Variants in MINAR1 observed in about 807,000 individuals in gnomAD.
The protein encoded by MINAR1 is major intrinsically disordered Notch2-binding receptor 1.
In MINAR1, 40 loss-of-function variants were observed where a neutral mutation model predicts 65.1. The observed-to-expected ratio is 0.61, with a 90% CI of 0.48 to 0.80. MINAR1 has a LOEUF of 0.80. Among genes scored for constraint, MINAR1 ranks in the 30% least tolerant of loss-of-function variants. The probability of loss-of-function intolerance (pLI) is 0.00; values close to 1 mark genes in which losing one functional copy is unlikely to be tolerated. For missense variants in MINAR1, 1,128 were observed against 1,148.0 expected, an observed-to-expected ratio of 0.98 and a Z score of 0.25; for synonymous variants, 482 against 449.1, an observed-to-expected ratio of 1.07 and a Z score of -0.93.
rs1458218738 is a variant in MINAR1, at chr15:79,468,715, T to A, written c.*331T>A. The A allele has an allele frequency of 3.3e-6, 1 of 305,852 alleles. No individual in the cohort carries two copies. Among genetic ancestry groups the A allele is most frequent in the African/African-American group, 2.1e-5 (1 of 46,628 alleles). 18.9% of individuals were successfully genotyped at this position (305,852 alleles called of 1,614,324 possible). On this transcript the variant is annotated 3_prime_UTR_variant, in exon 4 of 4. Coordinates refer to ENST00000305428, the MANE Select transcript of MINAR1 (RefSeq NM_015206.3). ...AATTGGGTTCTTTCCATTTTGATGA[T>A]GTTTCATGGTGGGGAATAAGTTATA...
At chr15:79,420,814 G>T in the MINAR1 span, 2 of 152,286 alleles carry the variant, frequency 1.3e-5, no homozygotes, top group Non-Finnish European at 2.9e-5. Flanking sequence ...AATGGTGGAT[G>T]TAATGAAGCC....
At chr15:79,418,176 T>G in the MINAR1 span, 1 of 152,220 alleles carries the variant, frequency 6.6e-6, no homozygotes, top group South Asian at 2.1e-4. Flanking sequence ...CCCACTCCTT[T>G]GATCACACAC....
intron 3 of MINAR1, among the ~76,000 whole-genome samples, chr15:79,466,289 G>A (rs1050149646): frequency 2.6e-5 from 4 of 152,082 alleles, no homozygotes; most frequent in African/African-American, 4.8e-5. Flanking sequence ...TTGTAGTGTC[G>A]CATAGCATGT....
chr15:79,467,806 G>GTGACTT (rs1210294794), intron 3 of MINAR1, among the ~76,000 whole-genome samples: 1 of 152,192 alleles, frequency 6.6e-6, no homozygotes, highest in Non-Finnish European at 1.5e-5. Flanking sequence ...GAGCCTGTTG[G>GTGACTT]AAGAAAGCAT....
rs1048353825 is a variant in MINAR1 at position 79,471,991 on chromosome 15, A to C, written c.*3607A>C. 3 of 152,586 alleles carry C rather than the reference A, an allele frequency of 2.0e-5. No individual in the cohort carries two copies. Among genetic ancestry groups the C allele is most frequent in the Non-Finnish European group, 4.4e-5 (3 of 68,042 alleles). 9.5% of individuals were successfully genotyped at this position (152,586 alleles called of 1,614,324 possible). ...ATTAAGTAACAATGAGAAATGCAAC[A>C]AACTTCCTTATTTATGCCTTATGAA... On this transcript the variant is annotated 3_prime_UTR_variant, in exon 4 of 4. Transcript: ENST00000305428.
At chr15:79,428,024 A>G (rs1465205032), upstream of MINAR1, among the ~76,000 whole-genome samples, 2 of 152,166 alleles carry the variant, frequency 1.3e-5, no homozygotes, top group Admixed American at 1.3e-4. Context: ...TTCTCTCAGG[A>G]TCCAAAAGGA....
chr15:79,461,698 T>C (rs1895645268), intron 2 of MINAR1, among the ~76,000 whole-genome samples: 1 of 152,224 alleles, frequency 6.6e-6, no homozygotes, highest in African/African-American at 2.4e-5. Context: ...AGCCAATGGG[T>C]TGGGTTTGCT....
Position 79,469,891 on chromosome 15 carries a change from A to G in MINAR1, c.*1507A>G, listed in dbSNP as rs1896015197. 1 of 152,648 alleles carries G rather than the reference A, an allele frequency of 6.6e-6. No individual in the cohort carries two copies. The highest frequency in any genetic ancestry group is 6.5e-5 in the Admixed American group (1 of 15,282). The allele number at this position is 152,648 out of a possible 1,614,324, so 9.5% of individuals were successfully genotyped here. Reference sequence around the variant, plus strand: ...ATAATAAATTTCTAAAAGATTTGAGAGCATCTCAATTTTTAAAGCAATAGG... The same window carrying G: ...ATAATAAATTTCTAAAAGATTTGAGGGCATCTCAATTTTTAAAGCAATAGG... On this transcript the variant is annotated 3_prime_UTR_variant, in exon 4 of 4. Coordinates refer to ENST00000305428, the MANE Select transcript of MINAR1 (RefSeq NM_015206.3).
intron 1 of MINAR1, among the ~76,000 whole-genome samples, chr15:79,448,167 T>A (rs1895073845): frequency 6.6e-6 from 1 of 151,972 alleles, no homozygotes; most frequent in South Asian, 2.1e-4. Context: ...ATAATCAGAG[T>A]TTTTCACATT....
intron 3 of MINAR1, among the ~76,000 whole-genome samples, chr15:79,464,489 A>G (rs1555430044): frequency 1.3e-5 from 2 of 152,222 alleles, no homozygotes; most frequent in Non-Finnish European, 2.9e-5. Context: ...GAAGCTCGAT[A>G]ATTTGCCCCA....
rs146044996 is a variant in MINAR1, at chr15:79,456,270, G to A, written c.123G>A (p.Ser41=). Residue 41 remains serine (S), a synonymous_variant, in exon 2 of 4, where the codon TCG becomes TCA. Coordinates refer to ENST00000305428, the MANE Select transcript of MINAR1 (RefSeq NM_015206.3). ...CKSLCARFDL[S]QLAKLRSVLF... is the part of the protein sequence containing the mutation. ...CTCTCTGTGCCCGGTTCGACCTGTC[G>A]CAGCTTGCCAAACTGAGAAGTGTGC... The A allele has an allele frequency of 2.2e-5, 36 of 1,614,076 alleles. No individual in the cohort carries two copies. The highest frequency in any genetic ancestry group is 9.3e-5 in the African/African-American group (7 of 74,992).
At chr15:79,439,507 T>C (rs1289015117) in intron 1 of MINAR1, among the ~76,000 whole-genome samples, 17 of 151,556 alleles carry the variant, frequency 1.1e-4, no homozygotes, top group African/African-American at 4.1e-4. Context: ...TCAGGGAATG[T>C]TCTCTGTGTT....
intron 2 of MINAR1, among the ~76,000 whole-genome samples, chr15:79,461,503 C>T (rs1895639714): frequency 6.6e-6 from 1 of 152,216 alleles, no homozygotes; most frequent in Admixed American, 6.5e-5. Context: ...TAGGAGCTCT[C>T]TGAGTGTTGG....
rs1896022644 is a variant in MINAR1, at chr15:79,470,066, A to G, written c.*1682A>G. On this transcript the variant is annotated 3_prime_UTR_variant, in exon 4 of 4. Transcript: ENST00000305428. ...ATCTGTGGTGAACCTTTATTTTTAG[A>G]AGTCTTCATGTTATCTATTTGTATT... 1 of 152,490 alleles carries G rather than the reference A, an allele frequency of 6.6e-6. No homozygotes were observed. The allele number at this position is 152,490 out of a possible 1,614,324, so 9.4% of individuals were successfully genotyped here.
At chr15:79,432,837 A>C (rs62025065) in intron 1 of MINAR1, among the ~76,000 whole-genome samples, 57,385 of 151,826 alleles carry the variant, frequency 0.38, 11,720 homozygotes, top group African/African-American at 0.54. Context: ...GAAGATGATC[A>C]TGCAGTTTGG....
intron 1 of MINAR1, among the ~76,000 whole-genome samples, chr15:79,439,354 AATGAGATGTGGGTGGGGTAGGCAGTGTG>A (rs1567050634): frequency 9.7e-5 from 5 of 51,390 alleles, no homozygotes; most frequent in Non-Finnish European, 1.7e-4. Context: ...GTGTGTGGGT[AATGAGATGTGGGTGGGGTAGGCAGTGTG>A]TGTGTGGGTG....
chr15:79,424,922 C>G, the MINAR1 span: 1 of 152,156 alleles, frequency 6.6e-6, no homozygotes, highest in Non-Finnish European at 1.5e-5. Flanking sequence ...TCCCAGGATG[C>G]AAGTTTCAAC....
At chr15:79,431,470 G>A (rs183026826), upstream of MINAR1, among the ~76,000 whole-genome samples, 61 of 150,600 alleles carry the variant, frequency 4.1e-4, no homozygotes, top group Non-Finnish European at 1.2e-4. Context: ...TCCCAGTTTC[G>A]TGGGGTTTGG....
At chr15:79,419,513 A>C in the MINAR1 span, 1 of 152,182 alleles carries the variant, frequency 6.6e-6, no homozygotes, top group Middle Eastern at 3.2e-3. Context: ...TTCTATCTAG[A>C]AATGACTGCA....
Sources: allele counts gnomAD v4.1 joint callset (sites outside exome capture counted in the v4.1 genomes callset), GRCh38; gene constraint gnomAD v4.1.1; transcripts MANE v1.5; gene names NCBI Gene and HGNC (gene_info 2026-07-23, HGNC 2026-07-21).